Variants in GRIN3A observed in about 807,000 individuals in gnomAD.
GRIN3A encodes glutamate receptor ionotropic, NMDA 3A.
GRIN3A carries 47 observed loss-of-function variants against 92.4 expected under a neutral mutation model. The ratio of observed to expected loss-of-function variants is 0.51; its 90% CI spans 0.40 to 0.65. The LOEUF (loss-of-function observed/expected upper bound fraction) is 0.65. Among genes scored for constraint, GRIN3A ranks in the 30% least tolerant of loss-of-function variants. The pLI, the probability that GRIN3A is intolerant of heterozygous loss-of-function variation, is 0.00. For missense variants in GRIN3A, 1,324 were observed against 1,393.1 expected, an observed-to-expected ratio of 0.95 and a Z score of 0.79; for synonymous variants, 527 against 540.6, an observed-to-expected ratio of 0.97 and a Z score of 0.35.
intron 4 of GRIN3A, among the ~76,000 whole-genome samples, chr9:101,627,594 A>G (rs903701251): frequency 6.6e-6 from 1 of 152,116 alleles, no homozygotes; most frequent in African/African-American, 2.4e-5. Flanking sequence ...CCTGTTTTTC[A>G]GGAACCATTC....
Position 101,569,754 on chromosome 9 carries a change from T to C in GRIN3A, c.*3420A>G, listed in dbSNP as rs533999699. 6.6e-6 allele frequency: 1 copy of C among 152,356 alleles called. No homozygotes were observed. Among genetic ancestry groups the C allele is most frequent in the South Asian group, 2.1e-4 (1 of 4,822 alleles). 9.4% of individuals were successfully genotyped at this position (152,356 alleles called of 1,614,324 possible). The stretch of plus-strand genomic sequence containing the variant: ...TTTCTGAAGAACTGGATGGGTTTTC[T>C]GTTTTTCCTATCAAAAATATGAGTT... On this transcript the variant is annotated 3_prime_UTR_variant, in exon 9 of 9. Coordinates refer to ENST00000361820, the MANE Select transcript of GRIN3A (RefSeq NM_133445.3).
chr9:101,670,487 A>G lies in GRIN3A; in HGVS notation c.1925T>C (p.Ile642Thr). 2 of 1,613,994 alleles carry G rather than the reference A, an allele frequency of 1.2e-6. No individual in the cohort carries two copies. Among genetic ancestry groups the G allele is most frequent in the Non-Finnish European group, 8.5e-7 (1 of 1,179,952 alleles). Residue 642 changes from isoleucine (I) to threonine (T), a missense_variant, in exon 3 of 9, where the codon ATA becomes ACA. Coordinates refer to ENST00000361820, the MANE Select transcript of GRIN3A (RefSeq NM_133445.3). ...GGAGAAGAAAGGGCTGGTGAAATCT[A>G]TCACCTGGCTCCGTGCAGTATTGAT... ...FSINTARSQV[I>T]DFTSPFFSTS...
chr9:101,579,171 G>T, intron 7 of GRIN3A, 25 bp downstream of exon 7: 1 of 1,611,744 alleles, frequency 6.2e-7, no homozygotes, highest in Non-Finnish European at 8.5e-7. Context: ...TAAGAATATT[G>T]GAGCAAGACA....
chr9:101,661,594 A>G (rs1348695960), intron 3 of GRIN3A, among the ~76,000 whole-genome samples: 1 of 151,886 alleles, frequency 6.6e-6, no homozygotes, highest in Non-Finnish European at 1.5e-5. Flanking sequence ...ATGGAATATT[A>G]TAAGTTAGTA....
intron 6 of GRIN3A, among the ~76,000 whole-genome samples, chr9:101,604,231 A>G (rs779249732): frequency 9.9e-5 from 15 of 152,240 alleles, no homozygotes; most frequent in Non-Finnish European, 2.2e-4. Context: ...GAAGGAAAAG[A>G]AAGACAAGGA....
chr9:101,601,279 C>T (rs138011198), intron 6 of GRIN3A, among the ~76,000 whole-genome samples: 1 of 152,302 alleles, frequency 6.6e-6, no homozygotes, highest in Non-Finnish European at 1.5e-5. Context: ...TTGGCTAAGA[C>T]ATTTAGTCTC....
At chr9:101,703,540 T>A (rs974885564) in intron 1 of GRIN3A, among the ~76,000 whole-genome samples, 4 of 152,214 alleles carry the variant, frequency 2.6e-5, no homozygotes, top group African/African-American at 9.6e-5. Context: ...TAGTTCTTCA[T>A]GAGTTTGCTA....
chr9:101,635,973 C>T (rs1828779226), intron 3 of GRIN3A, among the ~76,000 whole-genome samples: 1 of 152,212 alleles, frequency 6.6e-6, no homozygotes, highest in African/African-American at 2.4e-5. Context: ...CAACCTCCGT[C>T]TCCTGGATTA....
rs762817577 is a variant in GRIN3A at position 101,594,729 on chromosome 9, C to G, written c.2767-15369G>C. 3 of 1,613,732 alleles carry G rather than the reference C, an allele frequency of 1.9e-6. No individual in the cohort carries two copies. In the South Asian group the frequency reaches 3.3e-5, roughly 18 times the overall value. On this transcript the variant is annotated intron_variant, in intron 6 of 8. Coordinates refer to ENST00000361820, the MANE Select transcript of GRIN3A (RefSeq NM_133445.3). ...TTGAAGTCCACTTCTCCATCACCGT[C>G]GGTGTCGAAGACGTCGATCACTCGC... is the stretch of plus-strand genomic sequence containing the variant.
At chr9:101,611,908 G>C (rs886969455) in intron 6 of GRIN3A, among the ~76,000 whole-genome samples, 62 of 152,206 alleles carry the variant, frequency 4.1e-4, no homozygotes, top group Non-Finnish European at 5.6e-4. Flanking sequence ...ATTCAGCTGA[G>C]CAAGTGTCAG....
chr9:101,597,029 C>T (rs1828144252), intron 6 of GRIN3A, among the ~76,000 whole-genome samples: 5 of 152,188 alleles, frequency 3.3e-5, no homozygotes, highest in Admixed American at 3.3e-4. Context: ...GGCCCATTGA[C>T]CTCTCTGTGC....
chr9:101,686,850 A>C lies in GRIN3A; in HGVS notation c.1050T>G (p.Pro350=). Residue 350 remains proline (P), a synonymous_variant, in exon 2 of 9, where the codon CCT becomes CCG. Coordinates refer to ENST00000361820, the MANE Select transcript of GRIN3A (RefSeq NM_133445.3). ...EITTQFGVMP[P]ELRWVLGDSQ... is the part of the protein sequence containing the mutation. ...AATCTCCCAGCACCCAACGAAGTTC[A>C]GGGGGCATGACCCCAAACTGGGTTG... is the stretch of plus-strand genomic sequence containing the variant. 1 of 1,614,210 alleles carries C rather than the reference A, an allele frequency of 6.2e-7. No individual in the cohort carries two copies. The highest frequency in any genetic ancestry group is 8.5e-7 in the Non-Finnish European group (1 of 1,180,050).
chr9:101,629,208 AT>A (rs2096630654), intron 3 of GRIN3A, among the ~76,000 whole-genome samples: 1 of 152,192 alleles, frequency 6.6e-6, no homozygotes, highest in Admixed American at 6.5e-5. Context: ...AAGCTTTCAT[AT>A]GGTATGATCA....
chr9:101,606,282 T>A (rs1315473424), intron 6 of GRIN3A, among the ~76,000 whole-genome samples: 1 of 152,202 alleles, frequency 6.6e-6, no homozygotes, highest in Non-Finnish European at 1.5e-5. Flanking sequence ...TTCCTCCTGC[T>A]TTGTGCCCTG....
Position 101,572,411 on chromosome 9 carries a change from G to A in GRIN3A, c.*763C>T, listed in dbSNP as rs1827772797. 6.5e-6 allele frequency: 1 copy of A among 152,682 alleles called. No individual in the cohort carries two copies. The highest frequency in any genetic ancestry group is 2.1e-4 in the South Asian group (1 of 4,826). 9.5% of individuals were successfully genotyped at this position (152,682 alleles called of 1,614,324 possible). On this transcript the variant is annotated 3_prime_UTR_variant, in exon 9 of 9. Coordinates refer to ENST00000361820, the MANE Select transcript of GRIN3A (RefSeq NM_133445.3). The stretch of plus-strand genomic sequence containing the variant: ...TAGAAGTAGTCTTATTCATTTTTTA[G>A]CCAAATTGCCTTTCTGGCCCAGAGC...
At chr9:101,600,017 T>TACTGTAATACTGTAA (rs1828191225) in intron 6 of GRIN3A, among the ~76,000 whole-genome samples, 1 of 152,206 alleles carries the variant, frequency 6.6e-6, no homozygotes, top group Admixed American at 6.5e-5. Context: ...GAAATGGTGT[T>TACTGTAATACTGTAA]TAATGAATTT....
intron 1 of GRIN3A, among the ~76,000 whole-genome samples, chr9:101,735,690 A>C (rs1311773384): frequency 1.3e-5 from 2 of 151,884 alleles, no homozygotes. Context: ...TGACTCCTGC[A>C]TTTTGTTAGA....
intron 4 of GRIN3A, among the ~76,000 whole-genome samples, chr9:101,623,900 G>A (rs1828592909): frequency 6.6e-6 from 1 of 152,262 alleles, no homozygotes; most frequent in Non-Finnish European, 1.5e-5. Flanking sequence ...CAGCTAGTAA[G>A]TGTTGGGACT....
intron 1 of GRIN3A, among the ~76,000 whole-genome samples, chr9:101,728,256 T>C (rs1233380451): frequency 1.3e-5 from 2 of 152,152 alleles, no homozygotes; most frequent in African/African-American, 4.8e-5. Flanking sequence ...TGAGGCCTTC[T>C]GTCCAAAAAC....
Sources: gnomAD v4.1 joint callset for allele counts (sites outside exome capture counted in the v4.1 genomes callset) on GRCh38, gnomAD v4.1.1 for gene constraint, MANE v1.5 for transcripts, NCBI Gene and HGNC (gene_info 2026-07-23, HGNC 2026-07-21) for gene names.